The following PDS5B variants were observed in gnomAD, a reference collection of about 807,000 sequenced individuals.
PDS5B encodes the protein sister chromatid cohesion protein PDS5 homolog B.
A neutral mutation model predicts 184.1 loss-of-function variants in PDS5B; 51 were observed. The ratio of observed to expected loss-of-function variants is 0.28; its 90% CI spans 0.22 to 0.35. The LOEUF (loss-of-function observed/expected upper bound fraction) is 0.35. Ranked by LOEUF, PDS5B falls within the 10% of genes least tolerant of loss-of-function variation. The pLI is 1.00. For synonymous variants in PDS5B, 566 were observed against 569.2 expected (o/e 0.99, Z 0.08); for missense variants, 1,180 against 1,723.3 (o/e 0.68, Z 5.58).
intron 20 of PDS5B, among the ~76,000 whole-genome samples, chr13:32,732,534 CAG>C (rs999079989): frequency 1.4e-4 from 22 of 151,974 alleles, no homozygotes; most frequent in Admixed American, 6.6e-5. Flanking sequence ...TAGTAGGTAA[CAG>C]ATGATTATTC....
intron 19 of PDS5B, among the ~76,000 whole-genome samples, chr13:32,725,188 T>A (rs1271536891): frequency 6.6e-6 from 1 of 152,218 alleles, no homozygotes; most frequent in Non-Finnish European, 1.5e-5. Flanking sequence ...ATGCTTGATT[T>A]TTTGAATGTT....
intron 1 of PDS5B, among the ~76,000 whole-genome samples, chr13:32,623,331 C>G (rs535673173): frequency 6.6e-6 from 1 of 152,206 alleles, no homozygotes; most frequent in East Asian, 1.9e-4. Context: ...AAAAAGGGGG[C>G]TAGGGGACAA....
At chr13:32,602,758 G>C (rs1246155833) in intron 1 of PDS5B, among the ~76,000 whole-genome samples, 1 of 152,134 alleles carries the variant, frequency 6.6e-6, no homozygotes, top group Non-Finnish European at 1.5e-5. Context: ...TCTAGCACCT[G>C]TTGTTTCCTG....
chr13:32,739,284 C>T (rs1223854642), intron 21 of PDS5B, among the ~76,000 whole-genome samples: 1 of 152,096 alleles, frequency 6.6e-6, no homozygotes, highest in Non-Finnish European at 1.5e-5. Flanking sequence ...TGCAGTGCTA[C>T]CACTCATGTC....
At chr13:32,708,036 C>A (rs1040281133) in intron 18 of PDS5B, among the ~76,000 whole-genome samples, 1 of 151,854 alleles carries the variant, frequency 6.6e-6, no homozygotes, top group Non-Finnish European at 1.5e-5. Context: ...TGGCAATGAC[C>A]TGATGACCCA....
intron 6 of PDS5B, among the ~76,000 whole-genome samples, chr13:32,661,818 G>C (rs977966797): frequency 1.8e-4 from 27 of 152,100 alleles, no homozygotes; most frequent in African/African-American, 6.3e-4. Context: ...ATGCTAAACT[G>C]ATTACTGACT....
At chr13:32,744,063 G>T (rs1376144752) in intron 23 of PDS5B, among the ~76,000 whole-genome samples, 1 of 151,972 alleles carries the variant, frequency 6.6e-6, no homozygotes, top group Non-Finnish European at 1.5e-5. Context: ...TTCTTTGGTG[G>T]TTTACAACAT....
chr13:32,619,330 C>T (rs536028526), intron 1 of PDS5B, among the ~76,000 whole-genome samples: 13 of 152,244 alleles, frequency 8.5e-5, no homozygotes, highest in Admixed American at 2.6e-4. Context: ...ATAGGCTATA[C>T]GGTGTAGCCT....
chr13:32,760,766 A>G, intron 30 of PDS5B, 46 bp downstream of exon 30: 1 of 1,560,502 alleles, frequency 6.4e-7, no homozygotes, highest in Non-Finnish European at 8.8e-7. Context: ...GGATTCCAGC[A>G]AGGCTATGAG....
chr13:32,673,145 A>G (rs1593393093), intron 7 of PDS5B, 71 bp from the exon 8 acceptor site: 1 of 1,356,930 alleles, frequency 7.4e-7, no homozygotes, highest in Non-Finnish European at 1.0e-6. Flanking sequence ...AATTTGGTCA[A>G]ATAAGATTTT....
At chr13:32,748,808 A>G (rs1290888024) in intron 24 of PDS5B, among the ~76,000 whole-genome samples, 2 of 151,978 alleles carry the variant, frequency 1.3e-5, no homozygotes, top group African/African-American at 4.8e-5. Flanking sequence ...CATTTCTTAT[A>G]CCTAAAAGCA....
chr13:32,749,445 A>G (rs1953889338), intron 24 of PDS5B, among the ~76,000 whole-genome samples: 1 of 152,008 alleles, frequency 6.6e-6, no homozygotes, highest in African/African-American at 2.4e-5. Context: ...ATGTATTTGA[A>G]CAGAAAGTAC....
chr13:32,721,797 T>G (rs1952719349), intron 19 of PDS5B, among the ~76,000 whole-genome samples: 1 of 146,176 alleles, frequency 6.8e-6, no homozygotes, highest in African/African-American at 2.6e-5. Context: ...TCCCAGACAA[T>G]GGGCAGCCAG....
chr13:32,658,585 C>A (rs1950572248), intron 5 of PDS5B, 54 bp downstream of exon 5: 1 of 865,314 alleles, frequency 1.2e-6, no homozygotes, highest in Non-Finnish European at 1.8e-6. Context: ...AAATTTTGAA[C>A]TTGTAGGTGA....
In PDS5B at chr13:32,735,437, C is replaced by T. The variant is rs1301237232; in HGVS notation, c.2406+107C>T. On this transcript the variant is annotated intron_variant, in intron 21 of 34. Transcript: ENST00000315596. ...ATCAATAATACTTCCATTTGACTGC[C>T]TTGATTTTAGGTTTTCCTGTTTAAA... The T allele has an allele frequency of 5.6e-6, 4 of 712,622 alleles. No individual in the cohort carries two copies. The South Asian group carries it at 7.5e-5, about 13-fold the overall frequency. 44.1% of individuals were successfully genotyped at this position (712,622 alleles called of 1,614,324 possible). A position where few individuals can be genotyped will look rare whatever the true frequency, so the allele number is the denominator to read the frequency against.
At chr13:32,714,682 G>C (rs1044514740) in intron 19 of PDS5B, among the ~76,000 whole-genome samples, 22 of 152,294 alleles carry the variant, frequency 1.4e-4, no homozygotes, top group African/African-American at 5.1e-4. Context: ...ATACGGCTCT[G>C]TTATGCCTGG....
chr13:32,699,463 A>G (rs1440951063), intron 15 of PDS5B, among the ~76,000 whole-genome samples: 1 of 152,214 alleles, frequency 6.6e-6, no homozygotes, highest in African/African-American at 2.4e-5. Context: ...ATGCCTTTAA[A>G]TATTACAAGG....
At chr13:32,647,910 G>A (rs1361222909) in intron 1 of PDS5B, among the ~76,000 whole-genome samples, 2 of 152,114 alleles carry the variant, frequency 1.3e-5, no homozygotes, top group Non-Finnish European at 2.9e-5. Context: ...TGATACTTAG[G>A]ATGAAGGCAC....
chr13:32,695,532 A>G (rs1474982250), intron 14 of PDS5B, among the ~76,000 whole-genome samples: 1 of 151,972 alleles, frequency 6.6e-6, no homozygotes, highest in Non-Finnish European at 1.5e-5. Context: ...CCTTCTGGCC[A>G]GAGATGTAAG....
Sources: allele counts gnomAD v4.1 joint callset (sites outside exome capture counted in the v4.1 genomes callset), GRCh38; gene constraint gnomAD v4.1.1; transcripts MANE v1.5; gene names NCBI Gene and HGNC (gene_info 2026-07-23, HGNC 2026-07-21).